Variants in SERPINI1 observed in about 807,000 individuals in gnomAD.
SERPINI1 encodes serpin family I member 1.
SERPINI1 carries 19 observed loss-of-function variants against 41.1 expected under a neutral mutation model. That is an observed-to-expected ratio of 0.46 (90% confidence interval 0.32 to 0.68). The LOEUF (loss-of-function observed/expected upper bound fraction) is 0.68, where lower values mean the gene tolerates loss of function less well. SERPINI1 is among the 30% of genes least tolerant of loss of function. The pLI, the probability that SERPINI1 is intolerant of heterozygous loss-of-function variation, is 0.03. For missense variants in SERPINI1, 460 were observed against 479.2 expected, an observed-to-expected ratio of 0.96 and a Z score of 0.37; for synonymous variants, 138 against 156.6, an observed-to-expected ratio of 0.88 and a Z score of 0.89.
At chr3:167,815,601 G>A (rs963326654) in intron 6 of SERPINI1, among the ~76,000 whole-genome samples, 9 of 152,030 alleles carry the variant, frequency 5.9e-5, no homozygotes, top group Non-Finnish European at 1.2e-4. Context: ...TGTGGGCCAG[G>A]CTGCTCTTGA....
chr3:167,776,134 T>C (rs938555021), intron 1 of SERPINI1, among the ~76,000 whole-genome samples: 1 of 152,228 alleles, frequency 6.6e-6, no homozygotes, highest in African/African-American at 2.4e-5. Context: ...AGACCATTAA[T>C]GCCTGGCTTC....
rs1168527944 is a variant in SERPINI1, at chr3:167,792,773, A to T, written c.665A>T (p.Glu222Val). The T allele has an allele frequency of 1.9e-6, 3 of 1,613,080 alleles. No homozygotes were observed. Among genetic ancestry groups the T allele is most frequent in the South Asian group, 1.1e-5 (1 of 91,036 alleles). Residue 222 changes from glutamate (E) to valine (V), a missense_variant, in exon 4 of 9, where the codon GAA becomes GTA. Transcript: ENST00000446050. The stretch of plus-strand genomic sequence containing the variant: ...ATTCCAATGATGTATCAGCAAGGAG[A>T]ATTTTATTATGGTAAGACATTTTTT... ...VQIPMMYQQGEFYYGEFSDGS... is the reference protein window; with the variant it reads ...VQIPMMYQQGVFYYGEFSDGS...
At chr3:167,738,022 C>T (rs1478192588) in intron 1 of SERPINI1, among the ~76,000 whole-genome samples, 1 of 151,906 alleles carries the variant, frequency 6.6e-6, no homozygotes, top group Admixed American at 6.6e-5. Flanking sequence ...TTATTTTTTA[C>T]CTTGCACTCT....
chr3:167,803,190 T>C (rs1157977207), intron 5 of SERPINI1, among the ~76,000 whole-genome samples: 1 of 151,818 alleles, frequency 6.6e-6, no homozygotes, highest in Admixed American at 6.6e-5. Context: ...GACGAGTTAG[T>C]GGGTGCAGCG....
At position 167,798,410 on chromosome 3, in the gene SERPINI1, G is replaced by A. The variant is rs1471469882; in HGVS notation, c.881+3586G>A. Among the ~76,000 whole-genome samples, 7 of 152,028 alleles carry A rather than the reference G, an allele frequency of 4.6e-5. No individual in the cohort carries two copies. In the East Asian group the frequency reaches 1.4e-3, roughly 29 times the overall value. On this transcript the variant is annotated intron_variant, in intron 5 of 8. Coordinates refer to ENST00000446050, the MANE Select transcript of SERPINI1 (RefSeq NM_001122752.2). ...TCTGGATTCCCCTTTTAACAGAATG[G>A]CTCTTTTCAAATACTTATATGTTAC...
chr3:167,745,868 A>T (rs1725847774), intron 1 of SERPINI1, among the ~76,000 whole-genome samples: 1 of 152,176 alleles, frequency 6.6e-6, no homozygotes, highest in African/African-American at 2.4e-5. Context: ...GAATTTTACA[A>T]CAAAAACACC....
intron 1 of SERPINI1, among the ~76,000 whole-genome samples, chr3:167,752,808 G>A (rs1424935338): frequency 6.6e-6 from 1 of 151,790 alleles, no homozygotes; most frequent in African/African-American, 2.4e-5. Flanking sequence ...CTGCCATCAG[G>A]CCTTCATATT....
rs1172788769 is a variant in SERPINI1, at chr3:167,772,823, A to ACTCTCTCTCT, written c.-18-16255_-18-16246dup. 4.9e-3 allele frequency among the ~76,000 whole-genome samples: 116 copies of ACTCTCTCTCT among 23,556 alleles called. 4 individuals are homozygous for ACTCTCTCTCT. The highest frequency in any genetic ancestry group is 0.012 in the African/African-American group (81 of 6,770). 15.5% of individuals were successfully genotyped at this position (23,556 alleles called of 152,430 possible). ...ATTCCAGCCTGGGCAGTATCTTGAG[A>ACTCTCTCTCT]CTCTCTCTCTCTCTCTCTCTCTCTC... On this transcript the variant is annotated intron_variant, in intron 1 of 8. Coordinates refer to ENST00000446050, the MANE Select transcript of SERPINI1 (RefSeq NM_001122752.2).
At chr3:167,786,857 T>A (rs1452236599) in intron 1 of SERPINI1, among the ~76,000 whole-genome samples, 1 of 152,160 alleles carries the variant, frequency 6.6e-6, no homozygotes, top group Non-Finnish European at 1.5e-5. Flanking sequence ...GTCCTAGGCT[T>A]CATATTCACT....
Position 167,823,089 on chromosome 3 carries a change from TC to T in SERPINI1, c.1066+18del. On this transcript the variant is annotated intron_variant, in intron 7 of 8. Transcript: ENST00000446050. ...CTGTCTCAGGTACTGTTTGCTAGAA[TC>T]TTCTCCCCTCTTCTAGATTTGTATT... 1 of 1,450,814 alleles carries T rather than the reference TC, an allele frequency of 6.9e-7. No individual in the cohort carries two copies. The highest frequency in any genetic ancestry group is 9.7e-7 in the Non-Finnish European group (1 of 1,030,824). The allele number at this position is 1,450,814 out of a possible 1,614,324, so 89.9% of individuals were successfully genotyped here. A position where few individuals can be genotyped will look rare whatever the true frequency, so the allele number is the denominator to read the frequency against.
intron 6 of SERPINI1, among the ~76,000 whole-genome samples, chr3:167,820,780 G>A (rs62274818): frequency 0.12 from 17,604 of 152,212 alleles, 1,328 homozygotes; most frequent in African/African-American, 0.2. Context: ...AGGGTCCCCA[G>A]TGAAACCCCA....
At chr3:167,787,991 T>G (rs1435509357) in intron 1 of SERPINI1, among the ~76,000 whole-genome samples, 1 of 152,254 alleles carries the variant, frequency 6.6e-6, no homozygotes, top group African/African-American at 2.4e-5. Flanking sequence ...TCAACCATAA[T>G]TAAAATACAA....
intron 6 of SERPINI1, among the ~76,000 whole-genome samples, chr3:167,821,281 A>AAG (rs901232132): frequency 2.0e-4 from 30 of 152,110 alleles, no homozygotes; most frequent in African/African-American, 6.8e-4. Context: ...GAGAAGAGAG[A>AAG]AGAGAAGTGC....
chr3:167,774,383 T>C lies in SERPINI1; in HGVS notation c.-18-14728T>C, dbSNP rs79727349. 8.5e-3 allele frequency among the ~76,000 whole-genome samples: 1,292 copies of C among 152,274 alleles called. 96 individuals are homozygous for C. In the East Asian group the frequency reaches 0.18, roughly 21 times the overall value. ...CCCTCAGATCTTGAGAAAATTATGG[T>C]TATTGGCCAAGATAAAAGTGTATCT... On this transcript the variant is annotated intron_variant, in intron 1 of 8. Transcript: ENST00000446050.
rs559044862 is a variant in SERPINI1 at position 167,750,428 on chromosome 3, G to A, written c.-19+14605G>A. Among the ~76,000 whole-genome samples the A allele has an allele frequency of 2.6e-5, 4 of 152,324 alleles. No homozygotes were observed. The South Asian group carries it at 8.3e-4, about 32-fold the overall frequency. On this transcript the variant is annotated intron_variant, in intron 1 of 8. Transcript: ENST00000446050. ...ACTGCACATAGAAATTAATGAAATAGAAAAGGCAACATGGAGCAATGGGTT... is the reference window on the plus strand; with the variant it reads ...ACTGCACATAGAAATTAATGAAATAAAAAAGGCAACATGGAGCAATGGGTT...
At chr3:167,792,535 C>T (rs1163788077) in intron 3 of SERPINI1, 55 bp from the exon 4 acceptor site, 8 of 1,460,354 alleles carry the variant, frequency 5.5e-6, no homozygotes, top group Admixed American at 3.5e-5. Context: ...CTTCTGGTCC[C>T]CCTTGATCTT....
At chr3:167,783,767 CAG>C (rs1727216480) in intron 1 of SERPINI1, among the ~76,000 whole-genome samples, 1 of 152,210 alleles carries the variant, frequency 6.6e-6, no homozygotes, top group African/African-American at 2.4e-5. Context: ...CAACCAGCAG[CAG>C]AGAGGCTAGA....
chr3:167,822,997 A>AT lies in SERPINI1; in HGVS notation c.996dup (p.Leu333SerfsTer13). The AT allele has an allele frequency of 6.2e-7, 1 of 1,600,940 alleles. No homozygotes were observed. ...TTCTCTTTTTGCAGATAATAAGGAGATTTTTCTTTCCAAAGCAATTCACAA... is the reference window on the plus strand; with the variant it reads ...TTCTCTTTTTGCAGATAATAAGGAGATTTTTTCTTTCCAAAGCAATTCACAA... On this transcript the variant is annotated frameshift_variant, in exon 7 of 9. Coordinates refer to ENST00000446050, the MANE Select transcript of SERPINI1 (RefSeq NM_001122752.2). LOFTEE classifies it high-confidence loss of function.
chr3:167,755,414 T>C, intron 1 of SERPINI1, among the ~76,000 whole-genome samples: 1 of 152,294 alleles, frequency 6.6e-6, no homozygotes, highest in East Asian at 1.9e-4. Context: ...AACTTACTGG[T>C]AAAAATAAGT....
Sources: gnomAD v4.1 joint callset for allele counts (sites outside exome capture counted in the v4.1 genomes callset) on GRCh38, gnomAD v4.1.1 for gene constraint, MANE v1.5 for transcripts, NCBI Gene and HGNC (gene_info 2026-07-23, HGNC 2026-07-21) for gene names.